Variants in BBS9 observed in about 807,000 individuals in gnomAD.
BBS9 encodes the protein protein PTHB1.
In BBS9, 89 loss-of-function variants were observed where a neutral mutation model predicts 117.7. The ratio of observed to expected loss-of-function variants is 0.76; its 90% CI spans 0.64 to 0.90. BBS9 has a LOEUF of 0.90. Ranked by LOEUF, BBS9 falls within the 40% of genes least tolerant of loss-of-function variation. BBS9 has a pLI of 0.00. For synonymous variants in BBS9, 379 were observed against 370.9 expected (o/e 1.02, Z -0.25); for missense variants, 982 against 1,042.2 (o/e 0.94, Z 0.80).
chr7:33,395,739 A>G (rs984206433), intron 19 of BBS9, among the ~76,000 whole-genome samples: 4 of 152,172 alleles, frequency 2.6e-5, no homozygotes, highest in Non-Finnish European at 5.9e-5. Context: ...TGGTATTGAT[A>G]TATAAAAATC....
chr7:33,417,112 G>A lies in BBS9; in HGVS notation c.2115+28968G>A, dbSNP rs145339236. Among the ~76,000 whole-genome samples, 540 of 152,278 alleles carry A rather than the reference G, an allele frequency of 3.5e-3. 10 individuals are homozygous for A. In the East Asian group the frequency reaches 0.039, roughly 11 times the overall value. ...TAGACACTACGTTTTAACAATAGTT[G>A]TTAGATTTTGGGTCTGGTCTACAAA... On this transcript the variant is annotated intron_variant, in intron 19 of 22. Transcript: ENST00000242067.
At chr7:33,296,413 A>T (rs1251584259) in intron 9 of BBS9, among the ~76,000 whole-genome samples, 4 of 152,134 alleles carry the variant, frequency 2.6e-5, no homozygotes, top group Admixed American at 2.6e-4. Context: ...TAACACCATT[A>T]TTTTCTATTC....
chr7:33,470,101 A>G (rs2058341), intron 19 of BBS9, among the ~76,000 whole-genome samples: 118,023 of 151,798 alleles, frequency 0.78, 46,706 homozygotes, highest in African/African-American at 0.93. Context: ...CATCTTTGGA[A>G]TTGAGGACTT....
chr7:33,341,186 A>G (rs1359249813), intron 11 of BBS9, among the ~76,000 whole-genome samples: 1 of 152,176 alleles, frequency 6.6e-6, no homozygotes, highest in Non-Finnish European at 1.5e-5. Flanking sequence ...TTTAAAAAGA[A>G]GTGGGGTTGT....
At chr7:33,508,549 G>C (rs1332359975) in intron 20 of BBS9, among the ~76,000 whole-genome samples, 1 of 152,208 alleles carries the variant, frequency 6.6e-6, no homozygotes, top group Non-Finnish European at 1.5e-5. Flanking sequence ...GGCTACATGT[G>C]AATGAGACAG....
chr7:33,181,153 G>C (rs146041440), intron 5 of BBS9, among the ~76,000 whole-genome samples: 1 of 152,180 alleles, frequency 6.6e-6, no homozygotes, highest in Admixed American at 6.5e-5. Flanking sequence ...CCAGCATGCC[G>C]ATGCCAAGAG....
At chr7:33,300,291 A>G (rs1027407374) in intron 9 of BBS9, among the ~76,000 whole-genome samples, 2 of 152,126 alleles carry the variant, frequency 1.3e-5, no homozygotes, top group Non-Finnish European at 2.9e-5. Context: ...ACTGGAAGCC[A>G]GAGGGAAAGG....
chr7:33,312,552 G>A (rs138769084), intron 9 of BBS9, among the ~76,000 whole-genome samples: 89 of 152,196 alleles, frequency 5.8e-4, no homozygotes, highest in African/African-American at 2.0e-3. Flanking sequence ...TTGGTAGTGG[G>A]GTAAGGCCTA....
At chr7:33,344,470 T>C in intron 11 of BBS9, 111 bp from the exon 12 acceptor site, 2 of 1,018,626 alleles carry the variant, frequency 2.0e-6, no homozygotes, top group Non-Finnish European at 3.1e-6. Flanking sequence ...ATAAATCTTT[T>C]ATAGTTTCCT....
chr7:33,540,554 T>A (rs1167540009), intron 21 of BBS9, among the ~76,000 whole-genome samples: 1 of 152,206 alleles, frequency 6.6e-6, no homozygotes, highest in Non-Finnish European at 1.5e-5. Context: ...ATTTTGTACA[T>A]TTTCTGAAAA....
rs150823106 is a variant in BBS9, at chr7:33,470,971, C to T, written c.2116-34492C>T. Among the ~76,000 whole-genome samples, 42 of 152,272 alleles carry T rather than the reference C, an allele frequency of 2.8e-4. 1 individual carries two copies. The East Asian group carries it at 5.8e-3, about 21-fold the overall frequency. On this transcript the variant is annotated intron_variant, in intron 19 of 22. Transcript: ENST00000242067. ...TACATAGTAGATTCTATAATGCCAT[C>T]GTGCCACATACTGATACAGGTTCAT...
rs1420029389 is a variant in BBS9 at position 33,152,871 on chromosome 7, C to A, written c.263+20C>A. ...TGTTTCGTAAGTAAGCCCACTAATTCTGGTATTTTACTTGGAGTATGTCAA... is the reference window on the plus strand; with the variant it reads ...TGTTTCGTAAGTAAGCCCACTAATTATGGTATTTTACTTGGAGTATGTCAA... On this transcript the variant is annotated intron_variant, in intron 3 of 22. Transcript: ENST00000242067. The A allele has an allele frequency of 6.2e-7, 1 of 1,613,084 alleles. No individual in the cohort carries two copies. Among genetic ancestry groups the A allele is most frequent in the East Asian group, 2.2e-5 (1 of 44,814 alleles).
chr7:33,448,343 C>T (rs1441287885), intron 19 of BBS9, among the ~76,000 whole-genome samples: 1 of 152,124 alleles, frequency 6.6e-6, no homozygotes, highest in Non-Finnish European at 1.5e-5. Flanking sequence ...CTTTTCCTGT[C>T]TGTGATGTAG....
chr7:33,256,255 G>A (rs1448542235), intron 5 of BBS9, among the ~76,000 whole-genome samples: 1 of 152,148 alleles, frequency 6.6e-6, no homozygotes, highest in Non-Finnish European at 1.5e-5. Flanking sequence ...AAGAATCTGA[G>A]TATTGAGAGA....
chr7:33,256,138 T>C (rs7779367), intron 5 of BBS9, among the ~76,000 whole-genome samples: 125,959 of 152,108 alleles, frequency 0.83, 52,189 homozygotes, highest in Admixed American at 0.86. Context: ...GGCAACAGAG[T>C]GAGACTCTGT....
At chr7:33,232,774 A>G (rs1792733091) in intron 5 of BBS9, among the ~76,000 whole-genome samples, 1 of 152,106 alleles carries the variant, frequency 6.6e-6, no homozygotes, top group African/African-American at 2.4e-5. Flanking sequence ...ATGTGCTTGT[A>G]TATGTGTGTG....
rs1207430904 is a variant in BBS9 at position 33,275,144 on chromosome 7, G to A, written c.1016+1188G>A. 3.9e-5 allele frequency among the ~76,000 whole-genome samples: 6 copies of A among 152,012 alleles called. No homozygotes were observed. In the East Asian group the frequency reaches 1.2e-3, roughly 29 times the overall value. On this transcript the variant is annotated intron_variant, in intron 9 of 22. Transcript: ENST00000242067. ...GAAGGGTATTCATATTTGCATCAGT[G>A]TTTTATCTAAAGCCTGAATTTTAGA...
At chr7:33,465,591 T>C (rs929204515) in intron 19 of BBS9, among the ~76,000 whole-genome samples, 41 of 152,208 alleles carry the variant, frequency 2.7e-4, no homozygotes, top group Non-Finnish European at 5.4e-4. Flanking sequence ...TCCCTTTCTG[T>C]GACCTATCTG....
At chr7:33,572,014 T>C (rs966230793) in intron 21 of BBS9, among the ~76,000 whole-genome samples, 2 of 152,040 alleles carry the variant, frequency 1.3e-5, no homozygotes, top group Non-Finnish European at 2.9e-5. Context: ...TTTATTGTGC[T>C]TCTGAACATT....
Sources: gnomAD v4.1 joint callset for allele counts (sites outside exome capture counted in the v4.1 genomes callset) on GRCh38, gnomAD v4.1.1 for gene constraint, MANE v1.5 for transcripts, NCBI Gene and HGNC (gene_info 2026-07-23, HGNC 2026-07-21) for gene names.